APBA2: variants seen among roughly 807,000 people sequenced by gnomAD.
The protein encoded by APBA2 is amyloid-beta A4 precursor protein-binding family A member 2.
In APBA2, 30 loss-of-function variants were observed where a neutral mutation model predicts 75.0. That is an observed-to-expected ratio of 0.40 (90% CI 0.30 to 0.54). APBA2 has a LOEUF of 0.54. APBA2 is among the 20% of genes least tolerant of loss of function. The pLI is 0.49. For synonymous variants in APBA2, 444 were observed against 409.6 expected (o/e 1.08, Z -1.01); for missense variants, 801 against 1,016.1 (o/e 0.79, Z 2.88).
chr15:28,916,504 C>T (rs1411320241), intron 1 of APBA2, among the ~76,000 whole-genome samples: 1 of 152,254 alleles, frequency 6.6e-6, no homozygotes, highest in African/African-American at 2.4e-5. Context: ...CTGCTCCCAC[C>T]TGTCTCCCTC....
chr15:29,050,648 G>A (rs1274234329), intron 3 of APBA2, among the ~76,000 whole-genome samples: 1 of 152,060 alleles, frequency 6.6e-6, no homozygotes. Flanking sequence ...ATAGGATCTG[G>A]ACTGTTCCAT....
intron 2 of APBA2, among the ~76,000 whole-genome samples, chr15:28,934,514 G>A (rs1015147230): frequency 1.4e-4 from 22 of 152,334 alleles, no homozygotes; most frequent in African/African-American, 5.0e-4. Flanking sequence ...CATCCCCACA[G>A]GGTCTAGGTG....
chr15:29,097,275 G>A (rs1363637961), intron 8 of APBA2, among the ~76,000 whole-genome samples: 1 of 152,266 alleles, frequency 6.6e-6, no homozygotes, highest in African/African-American at 2.4e-5. Context: ...TTCCACAGGG[G>A]TCAGCCAGAG....
intron 2 of APBA2, among the ~76,000 whole-genome samples, chr15:28,943,196 A>G (rs1397903398): frequency 6.6e-6 from 1 of 152,234 alleles, no homozygotes; most frequent in African/African-American, 2.4e-5. Flanking sequence ...GAGCCTCAAC[A>G]GCGTGAACAT....
intron 2 of APBA2, among the ~76,000 whole-genome samples, chr15:28,976,837 A>G (rs1368640264): frequency 6.6e-6 from 1 of 152,198 alleles, no homozygotes; most frequent in African/African-American, 2.4e-5. Flanking sequence ...GACCCATAAC[A>G]TTCAGCATCT....
intron 1 of APBA2, among the ~76,000 whole-genome samples, chr15:28,916,170 C>T (rs1826236246): frequency 6.6e-6 from 1 of 152,236 alleles, no homozygotes; most frequent in Non-Finnish European, 1.5e-5. Context: ...TGGCTGTGCC[C>T]TGGGGCGTGC....
intron 2 of APBA2, among the ~76,000 whole-genome samples, chr15:28,946,524 C>T (rs1428051884): frequency 2.0e-5 from 3 of 152,164 alleles, no homozygotes; most frequent in Non-Finnish European, 4.4e-5. Flanking sequence ...CAGTCGACAC[C>T]ATGACCTTAG....
chr15:29,049,983 A>T (rs2041517833), intron 3 of APBA2, among the ~76,000 whole-genome samples: 1 of 152,222 alleles, frequency 6.6e-6, no homozygotes, highest in South Asian at 2.1e-4. Context: ...CTAAAGTAAG[A>T]TGTGGGACTT....
intron 2 of APBA2, among the ~76,000 whole-genome samples, chr15:28,976,214 T>C (rs2037328330): frequency 6.6e-6 from 1 of 152,228 alleles, no homozygotes. Flanking sequence ...TCCAGCAACC[T>C]TGCTTAACAG....
chr15:29,102,090 CT>C, intron 10 of APBA2: 1 of 512,544 alleles, frequency 2.0e-6, no homozygotes. Context: ...TGAAGTTAAT[CT>C]TTGCATAACT....
intron 3 of APBA2, among the ~76,000 whole-genome samples, chr15:29,008,015 G>T (rs1379220797): frequency 3.3e-5 from 5 of 152,220 alleles, no homozygotes; most frequent in Non-Finnish European, 7.3e-5. Flanking sequence ...ACAAAATGTG[G>T]TGTATACATA....
intron 3 of APBA2, among the ~76,000 whole-genome samples, chr15:29,004,310 C>G (rs1258150928): frequency 3.3e-5 from 5 of 152,216 alleles, no homozygotes; most frequent in Admixed American, 2.6e-4. Flanking sequence ...TTGCCCCCTT[C>G]CTGTGACAGA....
chr15:28,908,315 G>GTTTTTTTTTTTTTTTTTTTTTTTTTTTT lies in APBA2; in HGVS notation c.-204-13312_-204-13311insTTTTTTTTTTTTTTTTTTTTTTTTTTTT, dbSNP rs765084356. On this transcript the variant is annotated intron_variant, in intron 1 of 14. Transcript: ENST00000683413. ...TTGTTTTTGTTTGTTTTGTTTTCTT[G>GTTTTTTTTTTTTTTTTTTTTTTTTTTTT]TTTTTTTTTTTTTGAGACAGAGTCT... is the stretch of plus-strand genomic sequence containing the variant. 3.7e-4 allele frequency among the ~76,000 whole-genome samples: 51 copies of GTTTTTTTTTTTTTTTTTTTTTTTTTTTT among 137,584 alleles called. 6 individuals are homozygous for GTTTTTTTTTTTTTTTTTTTTTTTTTTTT. The highest frequency in any genetic ancestry group is 1.4e-3 in the African/African-American group (47 of 33,172). 90.3% of individuals were successfully genotyped at this position (137,584 alleles called of 152,430 possible).
chr15:28,899,822 G>A (rs182087440), intron 1 of APBA2, among the ~76,000 whole-genome samples: 31 of 151,978 alleles, frequency 2.0e-4, no homozygotes, highest in Admixed American at 1.4e-3. Flanking sequence ...AGTGAGGAAT[G>A]TCTTTAAAAA....
At chr15:28,958,544 T>C (rs369583090) in intron 2 of APBA2, among the ~76,000 whole-genome samples, 18 of 152,374 alleles carry the variant, frequency 1.2e-4, no homozygotes, top group African/African-American at 4.3e-4. Flanking sequence ...GGTAAATCTC[T>C]TGCTGAAGAG....
At chr15:28,928,004 C>T (rs568108245) in intron 2 of APBA2, among the ~76,000 whole-genome samples, 13 of 151,424 alleles carry the variant, frequency 8.6e-5, no homozygotes, top group African/African-American at 2.9e-4. Context: ...ATTAGCCAGG[C>T]GTGATGGCGG....
chr15:29,106,808 G>C lies in APBA2; in HGVS notation c.1906G>C (p.Gly636Arg). The change falls in exon 12 of 15, where the codon GGC becomes CGC. Residue 636 changes from glycine to arginine, a missense_variant. Gly to Arg is a moderately radical substitution (Grantham distance 125). Coordinates refer to ENST00000683413, the MANE Select transcript of APBA2 (RefSeq NM_001353788.2). ...LVGLPLATCQ[G>R]IIKGLKNQTQ... Reference sequence around the variant, plus strand: ...GGGGCTGCCCCTCGCCACCTGCCAAGGCATCATCAAGGTAGGCACCCTGGG... The same window carrying C: ...GGGGCTGCCCCTCGCCACCTGCCAACGCATCATCAAGGTAGGCACCCTGGG... The C allele has an allele frequency of 6.2e-7, 1 of 1,612,836 alleles. No individual in the cohort carries two copies.
chr15:28,917,112 A>T (rs939107977), intron 1 of APBA2, among the ~76,000 whole-genome samples: 1 of 152,204 alleles, frequency 6.6e-6, no homozygotes, highest in Non-Finnish European at 1.5e-5. Flanking sequence ...GCCTGGGAGA[A>T]GCCAGGGACC....
intron 2 of APBA2, among the ~76,000 whole-genome samples, chr15:28,963,293 G>T (rs1029138514): frequency 2.0e-5 from 3 of 152,238 alleles, no homozygotes; most frequent in African/African-American, 7.2e-5. Context: ...TAACTCAGGT[G>T]CTTTAGGAAT....
Sources: allele counts gnomAD v4.1 joint callset (sites outside exome capture counted in the v4.1 genomes callset), GRCh38; gene constraint gnomAD v4.1.1; transcripts MANE v1.5; gene names NCBI Gene and HGNC (gene_info 2026-07-23, HGNC 2026-07-21).